The following PKHD1 variants were observed in gnomAD, a reference collection of about 807,000 sequenced individuals.
The protein encoded by PKHD1 is fibrocystin.
In PKHD1, 291 loss-of-function variants were observed where a neutral mutation model predicts 412.0. The observed-to-expected ratio is 0.71, with a 90% CI of 0.64 to 0.78. The LOEUF is 0.78. PKHD1 is among the 30% of genes least tolerant of loss of function. The pLI is 0.00. For synonymous variants in PKHD1, 1,777 were observed against 1,821.5 expected (o/e 0.98, Z 0.62); for missense variants, 4,825 against 4,950.7 (o/e 0.97, Z 0.76).
chr6:51,683,914 T>C (rs1296203273), intron 60 of PKHD1, among the ~76,000 whole-genome samples: 1 of 152,084 alleles, frequency 6.6e-6, no homozygotes, highest in Non-Finnish European at 1.5e-5. Flanking sequence ...CAAATTCTCC[T>C]TCTCTTTTAG....
At chr6:51,965,418 G>A (rs1032924388) in intron 35 of PKHD1, among the ~76,000 whole-genome samples, 1 of 152,098 alleles carries the variant, frequency 6.6e-6, no homozygotes, top group Admixed American at 6.6e-5. Flanking sequence ...ACAAAAGATA[G>A]TGTAGAAAAG....
chr6:51,971,944 C>T (rs1793735689), intron 35 of PKHD1, among the ~76,000 whole-genome samples: 1 of 151,998 alleles, frequency 6.6e-6, no homozygotes, highest in Non-Finnish European at 1.5e-5. Flanking sequence ...GTTTCCCTGG[C>T]TGGTCCCAAG....
At chr6:51,750,704 C>G (rs1006728401) in intron 57 of PKHD1, among the ~76,000 whole-genome samples, 2 of 152,124 alleles carry the variant, frequency 1.3e-5, no homozygotes, top group African/African-American at 4.8e-5. Context: ...CTTTTTACTG[C>G]TGTGCACATT....
chr6:52,033,020 C>T lies in PKHD1; in HGVS notation c.3364+10G>A. 6.2e-7 allele frequency: 1 copy of T among 1,607,886 alleles called. No homozygotes were observed. Among genetic ancestry groups the T allele is most frequent in the Middle Eastern group, 1.7e-4 (1 of 6,038 alleles). On this transcript the variant is annotated intron_variant, in intron 29 of 66. Coordinates refer to ENST00000371117, the MANE Select transcript of PKHD1 (RefSeq NM_138694.4). Reference sequence around the variant, plus strand: ...AGAAGAAAAAGATCTTGCAGTATCACATATTTTACCTGCTATATTGCTTAT... The same window carrying T: ...AGAAGAAAAAGATCTTGCAGTATCATATATTTTACCTGCTATATTGCTTAT...
chr6:51,711,464 C>G (rs1205112117), intron 60 of PKHD1, among the ~76,000 whole-genome samples: 1 of 152,206 alleles, frequency 6.6e-6, no homozygotes, highest in Non-Finnish European at 1.5e-5. Context: ...TAATATGCAG[C>G]AGCTAATATA....
intron 35 of PKHD1, among the ~76,000 whole-genome samples, chr6:51,986,792 C>T (rs1400240867): frequency 6.6e-6 from 1 of 152,158 alleles, no homozygotes; most frequent in Non-Finnish European, 1.5e-5. Context: ...TATTAGGAAA[C>T]TTTAAAACTG....
At position 51,794,193 on chromosome 6, in the gene PKHD1, C is replaced by T. The variant is rs149229318; in HGVS notation, c.8303-2820G>A. On this transcript the variant is annotated intron_variant, in intron 52 of 66. Transcript: ENST00000371117. ...CTGGGACTACAGGTGTCCGCCACCG[C>T]GCCTTTTTTGACTTTTTAATAATAG... Among the ~76,000 whole-genome samples, 763 of 151,906 alleles carry T rather than the reference C, an allele frequency of 5.0e-3. 7 individuals carry two copies. Among genetic ancestry groups the T allele is most frequent in the African/African-American group, 0.014 (573 of 41,422 alleles).
intron 43 of PKHD1, among the ~76,000 whole-genome samples, chr6:51,887,899 C>T (rs1205550987): frequency 1.3e-5 from 2 of 152,190 alleles, no homozygotes; most frequent in African/African-American, 4.8e-5. Context: ...CTGCAATTTG[C>T]CCATCTTAAT....
At chr6:52,051,883 G>A (rs1209316173) in intron 21 of PKHD1, among the ~76,000 whole-genome samples, 1 of 152,148 alleles carries the variant, frequency 6.6e-6, no homozygotes. Context: ...CGTCACTTGA[G>A]TAGTGTCATT....
intron 53 of PKHD1, among the ~76,000 whole-genome samples, chr6:51,784,786 G>A (rs937682491): frequency 1.3e-5 from 2 of 152,002 alleles, no homozygotes; most frequent in South Asian, 2.1e-4. Context: ...TTTCTCCCTC[G>A]GGACCTTTGC....
At chr6:51,889,239 C>T (rs1778729136) in intron 43 of PKHD1, among the ~76,000 whole-genome samples, 1 of 152,116 alleles carries the variant, frequency 6.6e-6, no homozygotes, top group Non-Finnish European at 1.5e-5. Context: ...TCATCCTGAA[C>T]ACTGGCATTA....
chr6:52,070,976 C>G, intron 9 of PKHD1, 30 bp downstream of exon 9: 1 of 1,412,262 alleles, frequency 7.1e-7, no homozygotes, highest in Non-Finnish European at 1.0e-6. Flanking sequence ...ATGGATAAGA[C>G]TTTAAAATTA....
intron 36 of PKHD1, among the ~76,000 whole-genome samples, chr6:51,952,563 T>G (rs972453691): frequency 6.6e-6 from 1 of 152,128 alleles, no homozygotes; most frequent in African/African-American, 2.4e-5. Context: ...AAAATACACC[T>G]TGATATTCTA....
intron 59 of PKHD1, among the ~76,000 whole-genome samples, chr6:51,746,045 A>G (rs1231465390): frequency 6.6e-6 from 1 of 152,070 alleles, no homozygotes; most frequent in Non-Finnish European, 1.5e-5. Context: ...GTGTTGTGGG[A>G]AAGAAAAAGT....
chr6:51,767,221 A>T (rs1022800009), intron 55 of PKHD1, among the ~76,000 whole-genome samples: 24 of 151,492 alleles, frequency 1.6e-4, no homozygotes, highest in Non-Finnish European at 2.8e-4. Context: ...CATACATTTA[A>T]AAAAAAATGC....
intron 35 of PKHD1, among the ~76,000 whole-genome samples, chr6:51,983,840 C>T (rs2499491): frequency 0.017 from 2,646 of 152,278 alleles, 78 homozygotes; most frequent in African/African-American, 0.06. Flanking sequence ...TTGCTAGGGC[C>T]TAACGGTGTG....
intron 43 of PKHD1, among the ~76,000 whole-genome samples, chr6:51,895,807 C>A (rs372495729): frequency 6.6e-6 from 1 of 151,968 alleles, no homozygotes; most frequent in African/African-American, 2.4e-5. Flanking sequence ...TCAGTGGGTG[C>A]GCCCACCGTG....
chr6:51,982,949 G>A (rs1795750015), intron 35 of PKHD1, among the ~76,000 whole-genome samples: 1 of 113,172 alleles, frequency 8.8e-6, no homozygotes, highest in African/African-American at 3.0e-5. Context: ...CCTTTGCCCA[G>A]CCTCCCTGAG....
At chr6:51,939,429 C>T (rs1788113275) in intron 36 of PKHD1, among the ~76,000 whole-genome samples, 4 of 151,506 alleles carry the variant, frequency 2.6e-5, no homozygotes, top group African/African-American at 9.6e-5. Context: ...CTCCATTCCT[C>T]CTTCTCCCTT....
Sources: gnomAD v4.1 joint callset for allele counts (sites outside exome capture counted in the v4.1 genomes callset) on GRCh38, gnomAD v4.1.1 for gene constraint, MANE v1.5 for transcripts, NCBI Gene and HGNC (gene_info 2026-07-23, HGNC 2026-07-21) for gene names.